ARHGAP24: variants seen among roughly 807,000 people sequenced by gnomAD.
ARHGAP24 encodes the protein Rho GTPase activating protein 24.
ARHGAP24 carries 50 observed loss-of-function variants against 76.4 expected under a neutral mutation model. The ratio of observed to expected loss-of-function variants is 0.65; its 90% CI spans 0.52 to 0.83. The LOEUF is 0.83. Among genes scored for constraint, ARHGAP24 ranks in the 40% least tolerant of loss-of-function variants. The pLI is 0.00. For missense variants in ARHGAP24, 930 were observed against 914.2 expected, an observed-to-expected ratio of 1.02 and a Z score of -0.22; for synonymous variants, 345 against 323.3, an observed-to-expected ratio of 1.07 and a Z score of -0.72.
chr4:85,741,500 T>C (rs1560610876), intron 3 of ARHGAP24, among the ~76,000 whole-genome samples: 1 of 114,638 alleles, frequency 8.7e-6, no homozygotes, highest in Non-Finnish European at 1.9e-5. Context: ...CTTCTGCATT[T>C]TTATTTTTAT....
intron 8 of ARHGAP24, among the ~76,000 whole-genome samples, chr4:85,986,479 A>T (rs1048426019): frequency 6.6e-6 from 1 of 152,130 alleles, no homozygotes; most frequent in Non-Finnish European, 1.5e-5. Flanking sequence ...AATGAGGGGA[A>T]CCCAGTTATT....
intron 1 of ARHGAP24, among the ~76,000 whole-genome samples, chr4:85,531,441 G>A (rs1446079775): frequency 6.6e-6 from 1 of 152,016 alleles, no homozygotes; most frequent in East Asian, 1.9e-4. Flanking sequence ...GATGAGGAGT[G>A]TATTCCTACT....
At chr4:85,927,882 T>C (rs1736100731) in intron 4 of ARHGAP24, among the ~76,000 whole-genome samples, 1 of 152,226 alleles carries the variant, frequency 6.6e-6, no homozygotes, top group Admixed American at 6.5e-5. Context: ...GATTAAAATA[T>C]AGGAGACACC....
chr4:85,513,057 G>A (rs916033641), intron 1 of ARHGAP24, among the ~76,000 whole-genome samples: 3 of 152,210 alleles, frequency 2.0e-5, no homozygotes, highest in African/African-American at 7.2e-5. Flanking sequence ...AATCGTAGGT[G>A]CTCCCTCTGT....
chr4:85,824,374 C>T (rs1386503827), intron 3 of ARHGAP24, among the ~76,000 whole-genome samples: 1 of 152,160 alleles, frequency 6.6e-6, no homozygotes, highest in African/African-American at 2.4e-5. Context: ...CATTAGTTCA[C>T]ACACTAGAAA....
chr4:85,914,277 A>T (rs1735246431), intron 3 of ARHGAP24, among the ~76,000 whole-genome samples: 1 of 152,248 alleles, frequency 6.6e-6, no homozygotes, highest in South Asian at 2.1e-4. Flanking sequence ...TCTAAAATTT[A>T]TAGCCTCTAC....
intron 2 of ARHGAP24, among the ~76,000 whole-genome samples, chr4:85,615,167 T>A (rs1241410830): frequency 1.3e-5 from 2 of 152,078 alleles, no homozygotes; most frequent in African/African-American, 4.8e-5. Flanking sequence ...TTCCAAACAT[T>A]TATCTCTTGA....
intron 1 of ARHGAP24, among the ~76,000 whole-genome samples, chr4:85,484,458 T>C (rs1312890131): frequency 6.6e-6 from 1 of 152,116 alleles, no homozygotes; most frequent in African/African-American, 2.4e-5. Flanking sequence ...TTGATAAAAA[T>C]GGAAATATAA....
At chr4:85,570,376 TTCTTTCTTTCTTTCTTTCTTTCTTTC>T in intron 1 of ARHGAP24, 120 bp from the exon 2 acceptor site, 7 of 8,800 alleles carry the variant, frequency 8.0e-4, no homozygotes, top group South Asian at 2.4e-3. Flanking sequence ...CTTTCTTTCT[TTCTTTCTTTCTTTCTTTCTTTCTTTC>T]TTTCTTTCTT....
chr4:85,852,908 C>G (rs1288677371), intron 3 of ARHGAP24, among the ~76,000 whole-genome samples: 2 of 152,340 alleles, frequency 1.3e-5, no homozygotes, highest in Non-Finnish European at 2.9e-5. Flanking sequence ...GAGGTGTCTC[C>G]CTGTTAGGCT....
chr4:85,619,511 A>G (rs1019489026), intron 2 of ARHGAP24, among the ~76,000 whole-genome samples: 1 of 151,828 alleles, frequency 6.6e-6, no homozygotes, highest in Admixed American at 6.6e-5. Context: ...AAAAAAAGTC[A>G]TTGAAATTTT....
intron 3 of ARHGAP24, among the ~76,000 whole-genome samples, chr4:85,757,903 G>A (rs181345676): frequency 2.1e-4 from 32 of 152,178 alleles, no homozygotes; most frequent in African/African-American, 7.5e-4. Flanking sequence ...TTTAATGATC[G>A]CCATTCTAAC....
chr4:85,532,051 G>T lies in ARHGAP24; in HGVS notation c.-20-38471G>T, dbSNP rs17010362. On this transcript the variant is annotated intron_variant, in intron 1 of 9. Transcript: ENST00000395184. The stretch of plus-strand genomic sequence containing the variant: ...GTGATACAAACAAATATAAAGCAAA[G>T]CACAAATGTTTATCAAGTTTTAGCA... Among the ~76,000 whole-genome samples, 1,426 of 152,200 alleles carry T rather than the reference G, an allele frequency of 9.4e-3. 20 individuals are homozygous for T. Among genetic ancestry groups the T allele is most frequent in the African/African-American group, 0.025 (1,032 of 41,554 alleles).
chr4:85,919,156 G>C (rs989818696), intron 3 of ARHGAP24, among the ~76,000 whole-genome samples: 6 of 152,102 alleles, frequency 3.9e-5, no homozygotes, highest in Non-Finnish European at 7.4e-5. Context: ...TTCACCTCTT[G>C]AAAGAATTTT....
intron 8 of ARHGAP24, among the ~76,000 whole-genome samples, chr4:85,979,298 G>C (rs770387068): frequency 1.8e-4 from 28 of 151,982 alleles, no homozygotes; most frequent in Non-Finnish European, 3.7e-4. Flanking sequence ...GTAATTATGT[G>C]GTTTTTTCAA....
At chr4:85,656,965 T>C (rs1415279228) in intron 2 of ARHGAP24, among the ~76,000 whole-genome samples, 2 of 151,928 alleles carry the variant, frequency 1.3e-5, no homozygotes, top group Non-Finnish European at 2.9e-5. Flanking sequence ...AAAAAATGTT[T>C]ACAGCAAATT....
intron 3 of ARHGAP24, among the ~76,000 whole-genome samples, chr4:85,783,204 G>A (rs1415729635): frequency 2.0e-5 from 3 of 151,988 alleles, no homozygotes; most frequent in African/African-American, 4.8e-5. Context: ...TTCTTTTTTG[G>A]TTTTGTTTCT....
chr4:85,602,742 G>C (rs1720075884), intron 2 of ARHGAP24, among the ~76,000 whole-genome samples: 1 of 152,142 alleles, frequency 6.6e-6, no homozygotes, highest in Non-Finnish European at 1.5e-5. Flanking sequence ...ATTCAGCTGA[G>C]TTGGAGAATC....
intron 1 of ARHGAP24, among the ~76,000 whole-genome samples, chr4:85,567,068 T>G (rs1007961000): frequency 5.9e-5 from 9 of 151,848 alleles, no homozygotes; most frequent in Non-Finnish European, 1.3e-4. Context: ...GTTAGAGAGG[T>G]AAAGAGGTGC....
Sources: allele counts gnomAD v4.1 joint callset (sites outside exome capture counted in the v4.1 genomes callset), GRCh38; gene constraint gnomAD v4.1.1; transcripts MANE v1.5; gene names NCBI Gene and HGNC (gene_info 2026-07-23, HGNC 2026-07-21).